FSTL5: variants seen among roughly 807,000 people sequenced by gnomAD.
FSTL5 encodes the protein follistatin like 5.
Under a neutral mutation model 89.1 loss-of-function variants are expected in FSTL5, and 62 were observed. The observed-to-expected ratio is 0.70, with a 90% CI of 0.57 to 0.86. FSTL5 has a LOEUF of 0.86. Ranked by LOEUF, FSTL5 falls within the 40% of genes least tolerant of loss-of-function variation. The pLI is 0.00. For missense variants in FSTL5, 1,057 were observed against 1,001.6 expected (o/e 1.06, Z -0.75); for synonymous variants, 383 against 346.2 (o/e 1.11, Z -1.18).
At chr4:161,856,141 A>C (rs1218936920) in intron 4 of FSTL5, among the ~76,000 whole-genome samples, 1 of 152,110 alleles carries the variant, frequency 6.6e-6, no homozygotes, top group Admixed American at 6.6e-5. Flanking sequence ...TTTGAGGTTG[A>C]GGAAACAGTG....
intron 3 of FSTL5, among the ~76,000 whole-genome samples, chr4:161,932,264 TG>T (rs1395640093): frequency 5.3e-5 from 8 of 152,010 alleles, no homozygotes; most frequent in African/African-American, 1.9e-4. Context: ...TCTGTTGTGA[TG>T]GTTCTCTAAT....
At chr4:161,870,214 T>C (rs1732218361) in intron 4 of FSTL5, among the ~76,000 whole-genome samples, 2 of 152,198 alleles carry the variant, frequency 1.3e-5, no homozygotes, top group Admixed American at 1.3e-4. Flanking sequence ...ATATGGCATA[T>C]ATAAGTGATG....
chr4:162,028,371 G>C (rs934653166), intron 3 of FSTL5, among the ~76,000 whole-genome samples: 6 of 152,136 alleles, frequency 3.9e-5, no homozygotes, highest in Non-Finnish European at 7.4e-5. Context: ...GAGGTCAGGA[G>C]TTCGAGACCA....
At chr4:161,868,498 G>C (rs866240123) in intron 4 of FSTL5, among the ~76,000 whole-genome samples, 2 of 152,110 alleles carry the variant, frequency 1.3e-5, no homozygotes, top group African/African-American at 2.4e-5. Context: ...TCATCTCTCT[G>C]TCTTAAGTAA....
rs77425232 is a variant in FSTL5, at chr4:161,535,627, C to T, written c.1312+2539G>A. Among the ~76,000 whole-genome samples the T allele has an allele frequency of 4.3e-3, 649 of 152,156 alleles. 2 individuals are homozygous for T. The highest frequency in any genetic ancestry group is 6.8e-3 in the Middle Eastern group (2 of 294). ...TATGGAGAAAAGCGAATGCCTATATCCTGTTGGTGGGAGGGCAAACTTGTT... is the reference window on the plus strand; with the variant it reads ...TATGGAGAAAAGCGAATGCCTATATTCTGTTGGTGGGAGGGCAAACTTGTT... On this transcript the variant is annotated intron_variant, in intron 10 of 15. Transcript: ENST00000306100.
At chr4:161,460,554 T>C (rs1026634395) in intron 13 of FSTL5, among the ~76,000 whole-genome samples, 1 of 152,172 alleles carries the variant, frequency 6.6e-6, no homozygotes, top group Non-Finnish European at 1.5e-5. Flanking sequence ...CTCAGCACAT[T>C]AGTAACAGGT....
Position 161,481,130 on chromosome 4 carries a change from T to C in FSTL5, c.1498A>G (p.Arg500Gly), listed in dbSNP as rs1729490335. 6.2e-7 allele frequency: 1 copy of C among 1,612,116 alleles called. No homozygotes were observed. ...CPKAEGDEVQ[R>G]CVWASAVNVK... Reference sequence around the variant, plus strand: ...TTAACAGCTGATGCCCACACACACCTCTGAACTTCATCTCCCTCAGCTTTG... The same window carrying C: ...TTAACAGCTGATGCCCACACACACCCCTGAACTTCATCTCCCTCAGCTTTG... Residue 500 changes from arginine to glycine, a missense_variant, in exon 13 of 16, where the codon AGG becomes GGG. By Grantham distance (125) the Arg-to-Gly change is moderately radical. Around this residue, in one of 3 missense-constraint regions of FSTL5, gnomAD observed 980 missense variants for 903.2 expected, o/e 1.08. Transcript: ENST00000306100.
chr4:161,989,890 G>A (rs1736064984), intron 3 of FSTL5, among the ~76,000 whole-genome samples: 1 of 152,116 alleles, frequency 6.6e-6, no homozygotes, highest in African/African-American at 2.4e-5. Context: ...CATGTGTATA[G>A]ATCAATATAA....
intron 3 of FSTL5, among the ~76,000 whole-genome samples, chr4:162,023,224 T>A (rs984139553): frequency 5.3e-5 from 8 of 152,102 alleles, no homozygotes; most frequent in African/African-American, 7.2e-5. Context: ...AATCTAAGAC[T>A]CAGGAAGAAA....
At chr4:161,947,865 C>T (rs1275223967) in intron 3 of FSTL5, among the ~76,000 whole-genome samples, 1 of 152,052 alleles carries the variant, frequency 6.6e-6, no homozygotes, top group Non-Finnish European at 1.5e-5. Context: ...TTTGGTGTGT[C>T]TTTCTATTTA....
intron 2 of FSTL5, among the ~76,000 whole-genome samples, chr4:162,058,859 C>T (rs955362339): frequency 2.0e-5 from 3 of 151,974 alleles, no homozygotes; most frequent in Non-Finnish European, 4.4e-5. Flanking sequence ...AAATTATTCA[C>T]ACAATTAGGA....
At chr4:161,538,532 T>A (rs113805986) in intron 9 of FSTL5, among the ~76,000 whole-genome samples, 1 of 152,172 alleles carries the variant, frequency 6.6e-6, no homozygotes, top group African/African-American at 2.4e-5. Context: ...ATAGTTTATG[T>A]TTTGTATCAT....
intron 2 of FSTL5, among the ~76,000 whole-genome samples, chr4:162,039,893 G>A (rs570225142): frequency 1.3e-5 from 2 of 152,142 alleles, no homozygotes; most frequent in African/African-American, 4.8e-5. Context: ...GTAAACTGAT[G>A]ATATAATTCA....
chr4:161,486,337 T>A (rs553279697), intron 12 of FSTL5, among the ~76,000 whole-genome samples: 71 of 152,102 alleles, frequency 4.7e-4, no homozygotes, highest in South Asian at 2.5e-3. Flanking sequence ...GCCTTGGAGA[T>A]TCACCCATGT....
At chr4:161,438,260 C>T (rs1027032668) in intron 15 of FSTL5, among the ~76,000 whole-genome samples, 12 of 147,252 alleles carry the variant, frequency 8.1e-5, no homozygotes, top group Admixed American at 5.3e-4. Context: ...TGATTCTCTG[C>T]CTATGAGCCC....
intron 2 of FSTL5, among the ~76,000 whole-genome samples, chr4:162,070,097 T>C (rs1308349282): frequency 6.6e-6 from 1 of 151,902 alleles, no homozygotes; most frequent in East Asian, 1.9e-4. Flanking sequence ...TAATATCTCA[T>C]GTGGTTTTGG....
At chr4:161,450,741 AT>A (rs70937651) in intron 15 of FSTL5, among the ~76,000 whole-genome samples, 18,821 of 131,344 alleles carry the variant, frequency 0.14, 689 homozygotes, top group Non-Finnish European at 0.17. Flanking sequence ...ATTCATCTTC[AT>A]TTTTTTTTTT....
chr4:162,019,429 T>TA (rs768761074), intron 3 of FSTL5, among the ~76,000 whole-genome samples: 1 of 152,018 alleles, frequency 6.6e-6, no homozygotes, highest in Non-Finnish European at 1.5e-5. Flanking sequence ...TTATACCTTA[T>TA]AAAAAATGAC....
rs1560840980 is a variant in FSTL5, at chr4:161,779,799, A to ATATATG, written c.410-3726_410-3725insCATATA. On this transcript the variant is annotated intron_variant, in intron 4 of 15. Transcript: ENST00000306100. ...TGTATATATATATATATATATATAT[A>ATATATG]TATATATATATGTATATATATATAT... Among the ~76,000 whole-genome samples the ATATATG allele has an allele frequency of 3.5e-3, 140 of 39,974 alleles. 2 individuals are homozygous for ATATATG. The highest frequency in any genetic ancestry group is 4.2e-3 in the South Asian group (5 of 1,190). 26.2% of individuals were successfully genotyped at this position (39,974 alleles called of 152,430 possible).
Sources: allele counts gnomAD v4.1 joint callset (sites outside exome capture counted in the v4.1 genomes callset), GRCh38; gene constraint gnomAD v4.1.1; regional missense constraint gnomAD v4.1.1; transcripts MANE v1.5; gene names NCBI Gene and HGNC (gene_info 2026-07-23, HGNC 2026-07-21).